Variants in NFATC2 observed in about 807,000 individuals in gnomAD.
The protein encoded by NFATC2 is nuclear factor of activated T cells 2, also known as nuclear factor of activated T-cells, cytoplasmic 2.
A neutral mutation model predicts 87.3 loss-of-function variants in NFATC2; 22 were observed. The ratio of observed to expected loss-of-function variants is 0.25; its 90% CI spans 0.18 to 0.36. The LOEUF is 0.36. Ranked by LOEUF, NFATC2 falls within the 10% of genes least tolerant of loss-of-function variation. The pLI, the probability that NFATC2 is intolerant of heterozygous loss-of-function variation, is 1.00. For missense variants in NFATC2, 1,149 were observed against 1,259.1 expected, an observed-to-expected ratio of 0.91 and a Z score of 1.32; for synonymous variants, 565 against 542.2, an observed-to-expected ratio of 1.04 and a Z score of -0.58.
In NFATC2 at chr20:51,524,941, C is replaced by T. The variant is rs569385739; in HGVS notation, c.131-831G>A. On this transcript the variant is annotated intron_variant, in intron 1 of 10. Transcript: ENST00000371564. The surrounding 1 kb of genome is among the most constrained non-coding windows in gnomAD (Gnocchi z 4.0). ...ACTATTAGACCCAATGGATGCAGGCCGGGCGTGGTGGCTCACACCTGGAAT... is the reference window on the plus strand; with the variant it reads ...ACTATTAGACCCAATGGATGCAGGCTGGGCGTGGTGGCTCACACCTGGAAT... Among the ~76,000 whole-genome samples, 5 of 152,242 alleles carry T rather than the reference C, an allele frequency of 3.3e-5. No individual in the cohort carries two copies. Among genetic ancestry groups the T allele is most frequent in the South Asian group, 2.1e-4 (1 of 4,822 alleles).
At chr20:51,498,714 G>C (rs1016472044) in intron 3 of NFATC2, among the ~76,000 whole-genome samples, 2 of 152,200 alleles carry the variant, frequency 1.3e-5, no homozygotes, top group East Asian at 1.9e-4. Flanking sequence ...TTGAACCCAG[G>C]GGGTGGAGCT....
chr20:51,441,391 T>A (rs534416983), intron 6 of NFATC2, among the ~76,000 whole-genome samples: 1 of 152,126 alleles, frequency 6.6e-6, no homozygotes, highest in South Asian at 2.1e-4. Context: ...GAGTGGCAGC[T>A]CTCTGTGCCT....
upstream of NFATC2, among the ~76,000 whole-genome samples, chr20:51,544,171 T>A (rs2076868699): frequency 6.6e-6 from 1 of 151,770 alleles, no homozygotes; most frequent in African/African-American, 2.4e-5. Context: ...GTATTTTTAG[T>A]AGAGATGGGG....
intron 9 of NFATC2, among the ~76,000 whole-genome samples, chr20:51,407,846 T>C (rs1459927829): frequency 1.3e-5 from 2 of 152,228 alleles, no homozygotes; most frequent in Non-Finnish European, 2.9e-5. Context: ...TGTTTCTTCG[T>C]TTGTGAATAT....
chr20:51,479,761 A>G (rs1188598049), intron 3 of NFATC2, among the ~76,000 whole-genome samples: 2 of 152,202 alleles, frequency 1.3e-5, no homozygotes, highest in Non-Finnish European at 2.9e-5. Context: ...TTTACAGGTG[A>G]GGAAACTGAG....
chr20:51,431,412 C>A (rs1982683982), intron 9 of NFATC2, among the ~76,000 whole-genome samples: 1 of 152,166 alleles, frequency 6.6e-6, no homozygotes, highest in Non-Finnish European at 1.5e-5. Flanking sequence ...CAAACGGGCA[C>A]CTACAGACTC....
Position 51,532,564 on chromosome 20 carries a change from C to T in NFATC2, c.131-8454G>A, listed in dbSNP as rs145829563. Among the ~76,000 whole-genome samples the T allele has an allele frequency of 6.2e-4, 95 of 152,282 alleles. 1 individual carries two copies. Among genetic ancestry groups the T allele is most frequent in the Admixed American group, 4.6e-4 (7 of 15,304 alleles). On this transcript the variant is annotated intron_variant, in intron 1 of 10. Coordinates refer to ENST00000371564, the MANE Select transcript of NFATC2 (RefSeq NM_012340.5). Reference sequence around the variant, plus strand: ...TGAGTCAAAGATTATTTTAAAAATCCACTCAGGCCACACAGTGGTCCCCGC... The same window carrying T: ...TGAGTCAAAGATTATTTTAAAAATCTACTCAGGCCACACAGTGGTCCCCGC...
intron 2 of NFATC2, among the ~76,000 whole-genome samples, chr20:51,519,914 T>C (rs1462877926): frequency 7.8e-6 from 1 of 128,488 alleles, no homozygotes; most frequent in African/African-American, 2.9e-5. Context: ...AGACTCCATC[T>C]AAAAAAAAAA....
intron 1 of NFATC2, among the ~76,000 whole-genome samples, chr20:51,554,709 G>A (rs1051796814): frequency 2.0e-5 from 3 of 152,110 alleles, no homozygotes; most frequent in Non-Finnish European, 4.4e-5. Flanking sequence ...AAAGTCACAC[G>A]TGCACCATGA....
chr20:51,460,706 C>T (rs754559199), intron 5 of NFATC2, among the ~76,000 whole-genome samples: 23 of 151,514 alleles, frequency 1.5e-4, no homozygotes, highest in African/African-American at 2.2e-4. Flanking sequence ...CACCTGAGCT[C>T]AGGCGATCCG....
At chr20:51,522,404 ACAGCAGCAGAAAGG>A (rs1052744694) in intron 2 of NFATC2, among the ~76,000 whole-genome samples, 8 of 152,176 alleles carry the variant, frequency 5.3e-5, no homozygotes, top group Non-Finnish European at 1.2e-4. Flanking sequence ...TTTCACAAGC[ACAGCAGCAGAAAGG>A]CAGCAGCAGA....
At chr20:51,425,550 C>T (rs1981672405) in intron 9 of NFATC2, among the ~76,000 whole-genome samples, 1 of 152,224 alleles carries the variant, frequency 6.6e-6, no homozygotes, top group African/African-American at 2.4e-5. Context: ...GTCATCGTGG[C>T]TGCCGGGCTC....
chr20:51,556,906 G>A (rs867698737), intron 1 of NFATC2, among the ~76,000 whole-genome samples: 6 of 152,194 alleles, frequency 3.9e-5, no homozygotes, highest in South Asian at 2.1e-4. Flanking sequence ...GCTGCTAGGA[G>A]TCATTGCGTG....
intron 3 of NFATC2, among the ~76,000 whole-genome samples, chr20:51,497,585 C>G (rs1179483288): frequency 6.6e-6 from 1 of 152,164 alleles, no homozygotes; most frequent in East Asian, 1.9e-4. Flanking sequence ...TTCCACGCCT[C>G]CCCCCATGAT....
At chr20:51,492,988 C>A (rs368703119) in intron 3 of NFATC2, among the ~76,000 whole-genome samples, 2 of 152,336 alleles carry the variant, frequency 1.3e-5, no homozygotes, top group South Asian at 4.1e-4. Context: ...AGGATGCGAT[C>A]GTGTGCCTCC....
intron 9 of NFATC2, among the ~76,000 whole-genome samples, chr20:51,420,506 G>C (rs1186245551): frequency 6.6e-6 from 1 of 152,050 alleles, no homozygotes; most frequent in Non-Finnish European, 1.5e-5. Context: ...AAATTTCACA[G>C]GATAAACAAC....
intron 1 of NFATC2, among the ~76,000 whole-genome samples, chr20:51,549,816 G>C (rs1293209267): frequency 3.3e-5 from 5 of 152,196 alleles, no homozygotes; most frequent in African/African-American, 4.8e-5. Flanking sequence ...AGAGTCACAC[G>C]GCATTCCGCA....
rs769968405 is a variant in NFATC2, at chr20:51,475,579, C to T, written c.1414G>A (p.Ala472Thr). ...TADERILKPH[A>T]FYQVHRITGK... ...GTGATTCGGTGCACCTGGTAGAAGG[C>T]GTGCGGCTTAAGGATCCGCTCATCA... The change falls in exon 4 of 11, where the codon GCC becomes ACC. Residue 472 changes from alanine to threonine, a missense_variant. Physicochemically the swap from Ala to Thr is moderately conservative, Grantham distance 58. Transcript: ENST00000371564. The T allele has an allele frequency of 3.1e-6, 5 of 1,614,000 alleles. No individual in the cohort carries two copies. The highest frequency in any genetic ancestry group is 4.2e-6 in the Non-Finnish European group (5 of 1,180,028).
chr20:51,398,582 AATTCAAG>A (rs1987587560), intron 10 of NFATC2, 54 bp downstream of exon 10: 1 of 1,198,920 alleles, frequency 8.3e-7, no homozygotes. Context: ...AAAAAAAAAA[AATTCAAG>A]TTAAGGAAAC....
Sources: gnomAD v4.1 joint callset for allele counts (sites outside exome capture counted in the v4.1 genomes callset) on GRCh38, gnomAD v4.1.1 for gene constraint, Gnocchi (gnomAD v3.1) non-coding constraint, MANE v1.5 for transcripts, NCBI Gene and HGNC (gene_info 2026-07-23, HGNC 2026-07-21) for gene names.